FGGY: variants seen among roughly 807,000 people sequenced by gnomAD.
FGGY encodes FGGY carbohydrate kinase domain-containing protein.
In FGGY, 72 loss-of-function variants were observed where a neutral mutation model predicts 71.3. The observed-to-expected ratio is 1.01, with a 90% CI of 0.84 to 1.23. The LOEUF is 1.23. FGGY is among the 50% of genes most tolerant of loss of function. The pLI is 0.00. For synonymous variants in FGGY, 251 were observed against 250.3 expected (o/e 1.00, Z -0.02); for missense variants, 668 against 682.3 (o/e 0.98, Z 0.23).
chr1:59,734,975 G>A (rs2098087414), intron 14 of FGGY, among the ~76,000 whole-genome samples: 1 of 152,212 alleles, frequency 6.6e-6, no homozygotes, highest in South Asian at 2.1e-4. Context: ...AAATAAACTA[G>A]CAAAGATTCC....
chr1:59,477,171 T>A (rs1371113637), intron 6 of FGGY, among the ~76,000 whole-genome samples: 1 of 152,186 alleles, frequency 6.6e-6, no homozygotes, highest in Admixed American at 6.5e-5. Context: ...CTCTATTGCA[T>A]GTGACACATC....
At chr1:59,696,511 G>A (rs904686368) in intron 14 of FGGY, among the ~76,000 whole-genome samples, 4 of 152,196 alleles carry the variant, frequency 2.6e-5, no homozygotes, top group Non-Finnish European at 2.9e-5. Context: ...TGCATAAAAG[G>A]CCCCAGTAAA....
At position 59,746,828 on chromosome 1, in the gene FGGY, T is replaced by C. The variant is rs1001664668; in HGVS notation, c.1513-11103T>C. 2.6e-5 allele frequency among the ~76,000 whole-genome samples: 4 copies of C among 152,150 alleles called. No homozygotes were observed. In the South Asian group the frequency reaches 6.2e-4, roughly 24 times the overall value. On this transcript the variant is annotated intron_variant, in intron 14 of 15. Coordinates refer to ENST00000303721, the MANE Select transcript of FGGY (RefSeq NM_018291.5). Reference sequence around the variant, plus strand: ...ATTTTTAAAATGAGGAAATTGAGACTCAGGATGTTCATGGCAGAACTAGGG... The same window carrying C: ...ATTTTTAAAATGAGGAAATTGAGACCCAGGATGTTCATGGCAGAACTAGGG...
chr1:59,615,731 T>G (rs889764479), intron 9 of FGGY, among the ~76,000 whole-genome samples: 2 of 152,088 alleles, frequency 1.3e-5, no homozygotes, highest in Non-Finnish European at 2.9e-5. Context: ...GGGAGAAAAT[T>G]TTTGCAATCT....
chr1:59,669,681 C>A (rs2097359840), intron 13 of FGGY, among the ~76,000 whole-genome samples: 1 of 151,868 alleles, frequency 6.6e-6, no homozygotes, highest in East Asian at 1.9e-4. Context: ...AGGCATGAGC[C>A]ACCGCACCCG....
intron 14 of FGGY, among the ~76,000 whole-genome samples, chr1:59,713,424 G>A (rs1297875849): frequency 6.6e-6 from 1 of 152,106 alleles, no homozygotes; most frequent in Non-Finnish European, 1.5e-5. Context: ...TTTAATGGGT[G>A]ACACACTCGT....
At chr1:59,364,320 A>G (rs529978666) in intron 4 of FGGY, among the ~76,000 whole-genome samples, 4 of 152,362 alleles carry the variant, frequency 2.6e-5, no homozygotes, top group African/African-American at 9.6e-5. Context: ...GCTAACCCTG[A>G]GAGAAGAAAT....
chr1:59,714,126 A>G (rs2097823723), intron 14 of FGGY, among the ~76,000 whole-genome samples: 1 of 152,228 alleles, frequency 6.6e-6, no homozygotes, highest in African/African-American at 2.4e-5. Flanking sequence ...ATTAATAATA[A>G]CATTCCCTTT....
chr1:59,305,289 G>A (rs1239315826), intron 1 of FGGY, among the ~76,000 whole-genome samples: 2 of 152,144 alleles, frequency 1.3e-5, no homozygotes, highest in African/African-American at 4.8e-5. Flanking sequence ...TTTGTCAAAT[G>A]CTTTTGCAGA....
At chr1:59,324,487 G>T (rs907801771) in intron 2 of FGGY, among the ~76,000 whole-genome samples, 2 of 151,070 alleles carry the variant, frequency 1.3e-5, no homozygotes, top group African/African-American at 2.4e-5. Flanking sequence ...CGTTTTAGCC[G>T]GGATGGTCTC....
chr1:59,396,318 C>T lies in FGGY; in HGVS notation c.554+17481C>T, dbSNP rs563088934. On this transcript the variant is annotated intron_variant, in intron 5 of 15. Coordinates refer to ENST00000303721, the MANE Select transcript of FGGY (RefSeq NM_018291.5). ...TAATGTGGGGACTAAGCTCTAACCT[C>T]AGTGAATGTTTTTGCTAAAGTTTCT... 2.2e-4 allele frequency among the ~76,000 whole-genome samples: 34 copies of T among 152,304 alleles called. No individual in the cohort carries two copies. In the South Asian group the frequency reaches 6.8e-3, roughly 31 times the overall value.
intron 2 of FGGY, among the ~76,000 whole-genome samples, chr1:59,332,889 A>G (rs2048770462): frequency 6.6e-6 from 1 of 152,200 alleles, no homozygotes; most frequent in Non-Finnish European, 1.5e-5. Flanking sequence ...TGCTTTGTAC[A>G]TAAAAACATT....
At chr1:59,307,682 A>T (rs970238574) in intron 1 of FGGY, among the ~76,000 whole-genome samples, 2 of 152,200 alleles carry the variant, frequency 1.3e-5, no homozygotes, top group African/African-American at 4.8e-5. Flanking sequence ...AATATAAGTA[A>T]GTCTAAAAAG....
chr1:59,418,288 T>C (rs1233365370), intron 5 of FGGY, among the ~76,000 whole-genome samples: 1 of 152,168 alleles, frequency 6.6e-6, no homozygotes, highest in Admixed American at 6.5e-5. Flanking sequence ...CTATATGATA[T>C]CTGTTTCAAC....
intron 4 of FGGY, among the ~76,000 whole-genome samples, chr1:59,376,113 T>C (rs949827): frequency 0.28 from 43,195 of 151,998 alleles, 6,579 homozygotes; most frequent in South Asian, 0.38. Flanking sequence ...GGTAGTTTGA[T>C]TCACATCGTC....
rs1485428010 is a variant in FGGY, at chr1:59,340,084, C to T, written c.313+15C>T. On this transcript the variant is annotated intron_variant, in intron 3 of 15. Transcript: ENST00000303721. Reference sequence around the variant, plus strand: ...CAACCAGGAAGGTAAGACCATGTCTCTTCCTTTTCCCAGTGGTGGGATACT... The same window carrying T: ...CAACCAGGAAGGTAAGACCATGTCTTTTCCTTTTCCCAGTGGTGGGATACT... 6.4e-7 allele frequency: 1 copy of T among 1,574,120 alleles called. No individual in the cohort carries two copies. The highest frequency in any genetic ancestry group is 8.7e-7 in the Non-Finnish European group (1 of 1,148,608).
At chr1:59,744,347 A>C (rs2098176350) in intron 14 of FGGY, among the ~76,000 whole-genome samples, 1 of 152,162 alleles carries the variant, frequency 6.6e-6, no homozygotes, top group African/African-American at 2.4e-5. Context: ...CAGCCTCCCA[A>C]GTAGCTGGGA....
chr1:59,318,018 T>C (rs1175738859), intron 1 of FGGY, among the ~76,000 whole-genome samples: 2 of 152,088 alleles, frequency 1.3e-5, no homozygotes, highest in African/African-American at 4.8e-5. Context: ...CCTTGACAAA[T>C]GGGCATTTAG....
intron 5 of FGGY, among the ~76,000 whole-genome samples, chr1:59,449,326 C>T (rs1380534233): frequency 6.6e-6 from 1 of 152,196 alleles, no homozygotes; most frequent in East Asian, 1.9e-4. Context: ...CTCTGTCCCC[C>T]AGGCTGGAGT....
Sources: allele counts gnomAD v4.1 joint callset (sites outside exome capture counted in the v4.1 genomes callset), GRCh38; gene constraint gnomAD v4.1.1; transcripts MANE v1.5; gene names NCBI Gene and HGNC (gene_info 2026-07-23, HGNC 2026-07-21).